Variants in BNC2 observed in about 807,000 individuals in gnomAD.
BNC2 encodes basonuclin zinc finger protein 2, also known as zinc finger protein basonuclin-2.
BNC2 carries 20 observed loss-of-function variants against 76.3 expected under a neutral mutation model. The observed-to-expected ratio is 0.26, with a 90% CI of 0.18 to 0.38. The LOEUF (loss-of-function observed/expected upper bound fraction) is 0.38, where lower values mean the gene tolerates loss of function less well. BNC2 is among the 10% of genes least tolerant of loss of function. BNC2 has a pLI of 1.00. For synonymous variants in BNC2, 582 were observed against 514.8 expected (o/e 1.13, Z -1.77); for missense variants, 1,382 against 1,399.8 (o/e 0.99, Z 0.20).
chr9:16,780,465 G>A (rs1028248968), intron 1 of BNC2, among the ~76,000 whole-genome samples: 7 of 151,316 alleles, frequency 4.6e-5, no homozygotes, highest in Non-Finnish European at 8.8e-5. Context: ...CCAGCTACTC[G>A]GGAGACTGAG....
intron 1 of BNC2, among the ~76,000 whole-genome samples, chr9:16,743,510 A>G (rs1824910796): frequency 6.6e-6 from 1 of 152,184 alleles, no homozygotes; most frequent in Non-Finnish European, 1.5e-5. Flanking sequence ...ACCTTTGTGT[A>G]GTATTGTGGG....
intron 4 of BNC2, among the ~76,000 whole-genome samples, chr9:16,566,164 A>G (rs961780540): frequency 3.3e-5 from 5 of 152,040 alleles, no homozygotes; most frequent in Non-Finnish European, 4.4e-5. Context: ...GGACTCTACC[A>G]TTTCCTGGGA....
At chr9:16,681,808 C>G (rs776560742) in intron 3 of BNC2, among the ~76,000 whole-genome samples, 1 of 152,138 alleles carries the variant, frequency 6.6e-6, no homozygotes, top group African/African-American at 2.4e-5. Flanking sequence ...GCATAGACCG[C>G]CTGGTACTTT....
At chr9:16,766,931 G>T (rs2135426657) in intron 1 of BNC2, among the ~76,000 whole-genome samples, 1 of 152,328 alleles carries the variant, frequency 6.6e-6, no homozygotes, top group Non-Finnish European at 1.5e-5. Flanking sequence ...ATGAACCAAA[G>T]AGAGGAAAGA....
chr9:16,495,723 C>T (rs777860816), intron 5 of BNC2, among the ~76,000 whole-genome samples: 13 of 152,044 alleles, frequency 8.6e-5, no homozygotes, highest in Non-Finnish European at 1.5e-4. Flanking sequence ...GTGGCTGGGG[C>T]TTAGAAATCT....
Position 16,738,501 on chromosome 9 carries a change from G to A in BNC2, c.4-16C>T, listed in dbSNP as rs1361864760. The A allele has an allele frequency of 1.2e-6, 2 of 1,613,684 alleles. No homozygotes were observed. The highest frequency in any genetic ancestry group is 1.7e-6 in the Non-Finnish European group (2 of 1,179,778). On this transcript the variant is annotated splice_polypyrimidine_tract_variant and intron_variant, in intron 1 of 6. Transcript: ENST00000380672. ...CAAGGTGTGCCTATTGAGAGATTGG[G>A]AAAGGAAATTACATATGCCCAGACA...
At chr9:16,453,998 C>T (rs548100396) in intron 5 of BNC2, among the ~76,000 whole-genome samples, 4 of 152,142 alleles carry the variant, frequency 2.6e-5, no homozygotes, top group Non-Finnish European at 5.9e-5. Context: ...ACTCCCACCA[C>T]CAACGTTTTG....
chr9:16,453,591 A>G (rs78396408), intron 5 of BNC2, among the ~76,000 whole-genome samples: 1,721 of 152,280 alleles, frequency 0.011, 32 homozygotes, highest in African/African-American at 0.039. Flanking sequence ...TTCTGACGAC[A>G]TTCTGGTGTC....
At chr9:16,669,147 G>A (rs1822393176) in intron 3 of BNC2, among the ~76,000 whole-genome samples, 1 of 152,154 alleles carries the variant, frequency 6.6e-6, no homozygotes, top group East Asian at 1.9e-4. Flanking sequence ...TGGTTATAAT[G>A]TAACTATAAG....
chr9:16,494,118 C>T (rs924343502), intron 5 of BNC2, among the ~76,000 whole-genome samples: 1 of 152,140 alleles, frequency 6.6e-6, no homozygotes, highest in Non-Finnish European at 1.5e-5. Context: ...GAAACAGACA[C>T]ACTAAATAAA....
intron 5 of BNC2, among the ~76,000 whole-genome samples, chr9:16,536,507 T>G (rs1342014381): frequency 6.6e-6 from 1 of 152,278 alleles, no homozygotes; most frequent in East Asian, 1.9e-4. Context: ...AAACACAGCC[T>G]TTTGTTTTTA....
intron 1 of BNC2, among the ~76,000 whole-genome samples, chr9:16,860,882 C>A (rs1301345515): frequency 1.3e-5 from 2 of 151,828 alleles, no homozygotes; most frequent in Non-Finnish European, 2.9e-5. Flanking sequence ...CCTATCTCCA[C>A]TAAAAATACA....
intron 1 of BNC2, among the ~76,000 whole-genome samples, chr9:16,789,009 T>C (rs1217353573): frequency 6.6e-6 from 1 of 152,164 alleles, no homozygotes; most frequent in Non-Finnish European, 1.5e-5. Context: ...CTTGCTCCTC[T>C]CAAATCCATC....
chr9:16,506,499 T>C (rs1227578743), intron 5 of BNC2, among the ~76,000 whole-genome samples: 6 of 135,042 alleles, frequency 4.4e-5, no homozygotes, highest in Admixed American at 3.8e-4. Context: ...TACACTTCTC[T>C]CTCTCTCTCT....
intron 3 of BNC2, among the ~76,000 whole-genome samples, chr9:16,610,161 T>C (rs1280974814): frequency 6.6e-6 from 1 of 151,952 alleles, no homozygotes; most frequent in African/African-American, 2.4e-5. Context: ...GGGCGCACCA[T>C]GTAACCACAA....
At chr9:16,573,994 G>A (rs984385588) in intron 4 of BNC2, among the ~76,000 whole-genome samples, 2 of 152,170 alleles carry the variant, frequency 1.3e-5, no homozygotes, top group East Asian at 1.9e-4. Context: ...GGGGAGAGGA[G>A]TTAGAAGTCA....
At chr9:16,623,003 T>C (rs929079672) in intron 3 of BNC2, among the ~76,000 whole-genome samples, 1 of 152,160 alleles carries the variant, frequency 6.6e-6, no homozygotes, top group African/African-American at 2.4e-5. Context: ...GTTTGCTGTC[T>C]GAATCAAAGA....
chr9:16,793,498 T>C (rs946839557), intron 1 of BNC2, among the ~76,000 whole-genome samples: 1 of 152,116 alleles, frequency 6.6e-6, no homozygotes, highest in Non-Finnish European at 1.5e-5. Flanking sequence ...TTATTTTTTT[T>C]GACAGGGTCT....
chr9:16,723,361 T>G (rs1340947409), intron 3 of BNC2, among the ~76,000 whole-genome samples: 1 of 152,018 alleles, frequency 6.6e-6, no homozygotes, highest in African/African-American at 2.4e-5. Flanking sequence ...TCTATTTGAG[T>G]GGGACAGAGT....
Sources: allele counts gnomAD v4.1 joint callset (sites outside exome capture counted in the v4.1 genomes callset), GRCh38; gene constraint gnomAD v4.1.1; transcripts MANE v1.5; gene names NCBI Gene and HGNC (gene_info 2026-07-23, HGNC 2026-07-21).